The following DCAF5 variants were observed in gnomAD, a reference collection of about 807,000 sequenced individuals.
DCAF5 encodes the protein DDB1 and CUL4 associated factor 5.
Under a neutral mutation model 80.7 loss-of-function variants are expected in DCAF5, and 9 were observed. The ratio of observed to expected loss-of-function variants is 0.11; its 90% confidence interval spans 0.07 to 0.19. The LOEUF (loss-of-function observed/expected upper bound fraction) is 0.19, where lower values mean the gene tolerates loss of function less well. DCAF5 is among the 10% of genes least tolerant of loss of function. DCAF5 has a pLI of 1.00. For missense variants in DCAF5, 842 were observed against 1,205.7 expected, an observed-to-expected ratio of 0.70 and a Z score of 4.47; for synonymous variants, 433 against 461.9, an observed-to-expected ratio of 0.94 and a Z score of 0.80.
At chr14:69,058,935 G>A (rs1470736662) in intron 8 of DCAF5, among the ~76,000 whole-genome samples, 2 of 150,904 alleles carry the variant, frequency 1.3e-5, no homozygotes, top group African/African-American at 2.4e-5. Flanking sequence ...GAAGAGACAA[G>A]ACGAGAGATG....
intron 7 of DCAF5, 114 bp downstream of exon 7, chr14:69,075,231 C>G (rs545938373): frequency 6.3e-5 from 43 of 681,012 alleles, no homozygotes; most frequent in African/African-American, 5.8e-4. Context: ...TTGGTCACAG[C>G]TTATGTTAGA....
intron 5 of DCAF5, among the ~76,000 whole-genome samples, chr14:69,108,605 T>C (rs552393263): frequency 2.0e-5 from 3 of 152,198 alleles, no homozygotes; most frequent in East Asian, 3.9e-4. Context: ...CCAGGATGAT[T>C]ATAAGACAGA....
intron 5 of DCAF5, among the ~76,000 whole-genome samples, chr14:69,102,705 C>T (rs2040005860): frequency 6.6e-6 from 1 of 151,504 alleles, no homozygotes; most frequent in Non-Finnish European, 1.5e-5. Flanking sequence ...TCTTCAGGGT[C>T]GATAATACAC....
chr14:69,065,096 C>CTT (rs34005299), intron 7 of DCAF5, among the ~76,000 whole-genome samples: 2,757 of 120,238 alleles, frequency 0.023, 151 homozygotes, highest in East Asian at 0.04. Context: ...AATATGACCT[C>CTT]TTTTTTTTTT....
intron 1 of DCAF5, chr14:69,149,522 G>A (rs2041640750): frequency 6.6e-6 from 1 of 152,186 alleles, no homozygotes; most frequent in Non-Finnish European, 1.5e-5. Context: ...ACAGAAAAGT[G>A]ATGTATTATT....
In DCAF5 at chr14:69,118,069, T is replaced by G. The variant is rs2040595110; in HGVS notation, c.535+70A>C. 1 of 1,584,910 alleles carries G rather than the reference T, an allele frequency of 6.3e-7. No individual in the cohort carries two copies. The highest frequency in any genetic ancestry group is 8.6e-7 in the Non-Finnish European group (1 of 1,158,478). The stretch of plus-strand genomic sequence containing the variant: ...TGCACATAGATACTGAGGTAATAAA[T>G]TGGATCTTCAATGAATCTGACATCA... On this transcript the variant is annotated intron_variant, in intron 4 of 8. Transcript: ENST00000341516. The surrounding 1 kb of genome is among the most constrained non-coding windows in gnomAD (Gnocchi z 4.0).
intron 8 of DCAF5, among the ~76,000 whole-genome samples, chr14:69,059,633 A>T (rs2038127245): frequency 6.6e-6 from 1 of 152,216 alleles, no homozygotes; most frequent in Non-Finnish European, 1.5e-5. Context: ...AGATGAGGCC[A>T]GCATGGCCAT....
intron 6 of DCAF5, among the ~76,000 whole-genome samples, chr14:69,078,755 A>C (rs2038989798): frequency 6.6e-6 from 1 of 152,230 alleles, no homozygotes; most frequent in African/African-American, 2.4e-5. Flanking sequence ...GGCAGGGGAA[A>C]TGGGGAGTTG....
Position 69,118,278 on chromosome 14 carries a change from G to C in DCAF5, c.396C>G (p.Ser132Arg). 4 of 1,613,560 alleles carry C rather than the reference G, an allele frequency of 2.5e-6. No homozygotes were observed. The highest frequency in any genetic ancestry group is 3.4e-6 in the Non-Finnish European group (4 of 1,179,654). ...DEQVILHDVE[S>R]SETLDVFAHE... is the part of the protein sequence containing the mutation. ...GAGCAAACACGTCCAATGTCTCACT[G>C]CTGGGAGATAAGAGAGCAAGACAGA... Residue 132 changes from serine to arginine, a missense_variant and splice_region_variant, in exon 4 of 9, where the codon AGC (serine) becomes AGG (arginine). Ser to Arg is a moderately radical substitution (Grantham distance 110). Coordinates refer to ENST00000341516, the MANE Select transcript of DCAF5 (RefSeq NM_003861.3). The surrounding 1 kb of genome is among the most constrained non-coding windows in gnomAD (Gnocchi z 4.0).
In DCAF5 at chr14:69,113,989, T is replaced by C. The variant is rs564697381; in HGVS notation, c.665+2377A>G. 1.4e-3 allele frequency among the ~76,000 whole-genome samples: 216 copies of C among 152,306 alleles called. 5 individuals are homozygous for C. In the South Asian group the frequency reaches 0.028, roughly 20 times the overall value. On this transcript the variant is annotated intron_variant, in intron 5 of 8. Transcript: ENST00000341516. ...TCTCCTATATGGGCTCTGAAAACCG[T>C]AGGTTATCAAAGAAACTATAAAACC...
intron 5 of DCAF5, among the ~76,000 whole-genome samples, chr14:69,111,493 T>C (rs1012457186): frequency 1.3e-5 from 2 of 152,190 alleles, no homozygotes; most frequent in African/African-American, 4.8e-5. Flanking sequence ...GACACTGTTA[T>C]CTGTCATAGA....
At chr14:69,110,390 C>A (rs1375720686) in intron 5 of DCAF5, among the ~76,000 whole-genome samples, 1 of 151,714 alleles carries the variant, frequency 6.6e-6, no homozygotes, top group Non-Finnish European at 1.5e-5. Flanking sequence ...CTCAGCCTCC[C>A]AAGTAGCTGG....
intron 7 of DCAF5, among the ~76,000 whole-genome samples, chr14:69,075,109 G>A (rs1351048010): frequency 6.6e-6 from 1 of 151,992 alleles, no homozygotes; most frequent in Non-Finnish European, 1.5e-5. Context: ...TATGAAGTCT[G>A]AAGAAAAGTT....
At chr14:69,077,996 T>C (rs2038964744) in intron 6 of DCAF5, among the ~76,000 whole-genome samples, 1 of 152,184 alleles carries the variant, frequency 6.6e-6, no homozygotes, top group Non-Finnish European at 1.5e-5. Context: ...GCTCATTTAA[T>C]TCTAAGATTC....
At chr14:69,082,466 A>G (rs1307570869) in intron 6 of DCAF5, among the ~76,000 whole-genome samples, 11 of 1,934 alleles carry the variant, frequency 5.7e-3, no homozygotes, top group Admixed American at 0.023. Context: ...AAAAAATTCT[A>G]TTAAGGAATA....
intron 6 of DCAF5, chr14:69,085,065 T>A: frequency 2.6e-6 from 3 of 1,160,944 alleles, no homozygotes; most frequent in Non-Finnish European, 3.9e-6. Flanking sequence ...TGACATTCAG[T>A]CTCAGCTTGA....
chr14:69,053,983 G>A lies in DCAF5; in HGVS notation c.2703C>T (p.Pro901=). The A allele has an allele frequency of 6.2e-7, 1 of 1,613,022 alleles. No individual in the cohort carries two copies. Among genetic ancestry groups the A allele is most frequent in the South Asian group, 1.1e-5 (1 of 90,928 alleles). The change falls in exon 9 of 9, where the codon CCC becomes CCT. Residue 901 remains proline (P), a synonymous_variant. Coordinates refer to ENST00000341516, the MANE Select transcript of DCAF5 (RefSeq NM_003861.3). ...TACTATCTGTGGCTGGGGTGTCAGTGGGGTCCTCTCTTGTTCCAGCATTGG... is the reference window on the plus strand; with the variant it reads ...TACTATCTGTGGCTGGGGTGTCAGTAGGGTCCTCTCTTGTTCCAGCATTGG... ...ETPNAGTRED[P]TDTPATDSSR... is the part of the protein sequence containing the mutation.
intron 7 of DCAF5, among the ~76,000 whole-genome samples, chr14:69,070,717 T>C (rs1019032117): frequency 3.3e-5 from 5 of 152,192 alleles, no homozygotes; most frequent in Non-Finnish European, 7.3e-5. Context: ...TTAGACATAT[T>C]CCAATGGACT....
Position 69,052,676 on chromosome 14 carries a change from G to A in DCAF5, c.*1181C>T, listed in dbSNP as rs2037799992. ...GACTAATGGGAACCAGGAGTCATAAGCCAGAGACTCCTCCCCAACACCTTC... is the reference window on the plus strand; with the variant it reads ...GACTAATGGGAACCAGGAGTCATAAACCAGAGACTCCTCCCCAACACCTTC... On this transcript the variant is annotated 3_prime_UTR_variant, in exon 9 of 9. Transcript: ENST00000341516. 1 of 152,162 alleles carries A rather than the reference G, an allele frequency of 6.6e-6. No individual in the cohort carries two copies. The highest frequency in any genetic ancestry group is 6.6e-5 in the Admixed American group (1 of 15,266). The allele number at this position is 152,162 out of a possible 1,614,324, so 9.4% of individuals were successfully genotyped here.
Sources: allele counts gnomAD v4.1 joint callset (sites outside exome capture counted in the v4.1 genomes callset), GRCh38; gene constraint gnomAD v4.1.1; non-coding constraint Gnocchi (gnomAD v3.1); transcripts MANE v1.5; gene names NCBI Gene and HGNC (gene_info 2026-07-23, HGNC 2026-07-21).